The following OTOGL variants were observed in gnomAD, a reference collection of about 807,000 sequenced individuals.
The protein encoded by OTOGL is otogelin like, also known as otogelin-like protein.
OTOGL carries 285 observed loss-of-function variants against 318.5 expected under a neutral mutation model. The ratio of observed to expected loss-of-function variants is 0.89; its 90% CI spans 0.81 to 0.99. The LOEUF (loss-of-function observed/expected upper bound fraction) is 0.99, where lower values mean the gene tolerates loss of function less well. OTOGL is among the 50% of genes least tolerant of loss of function. The probability of loss-of-function intolerance (pLI) is 0.00; values close to 1 mark genes in which losing one functional copy is unlikely to be tolerated. For synonymous variants in OTOGL, 987 were observed against 936.5 expected (o/e 1.05, Z -0.99); for missense variants, 2,899 against 2,845.6 (o/e 1.02, Z -0.43).
intron 4 of OTOGL, 47 bp downstream of exon 4, chr12:80,212,044 C>T (rs1414460527): frequency 1.3e-6 from 2 of 1,490,924 alleles, no homozygotes; most frequent in Non-Finnish European, 1.8e-6. Flanking sequence ...ATAATCCATT[C>T]TGTTTTGGAC....
intron 34 of OTOGL, among the ~76,000 whole-genome samples, chr12:80,321,728 G>C (rs1887348791): frequency 6.6e-6 from 1 of 152,252 alleles, no homozygotes; most frequent in South Asian, 2.1e-4. Context: ...TCAGAACAAA[G>C]AAAAAGAAGC....
chr12:80,310,482 T>TACGCAAATCCTATCTA, intron 29 of OTOGL, 129 bp from the exon 30 acceptor site: 1 of 618,160 alleles, frequency 1.6e-6, no homozygotes, highest in South Asian at 2.1e-5. Flanking sequence ...GCAGGTGCTT[T>TACGCAAATCCTATCTA]ACGCAAATCC....
At chr12:80,143,356 G>A (rs376356443) in intron 1 of OTOGL, among the ~76,000 whole-genome samples, 34 of 152,058 alleles carry the variant, frequency 2.2e-4, no homozygotes, top group African/African-American at 7.5e-4. Context: ...AGGGGATGGG[G>A]ATGAATAGGA....
chr12:80,346,529 T>G (rs2137971594), intron 44 of OTOGL, among the ~76,000 whole-genome samples: 1 of 152,304 alleles, frequency 6.6e-6, no homozygotes, highest in East Asian at 1.9e-4. Flanking sequence ...TGTTTTAACC[T>G]TTTATTGTGG....
chr12:80,313,155 A>C (rs1260974959), intron 30 of OTOGL, among the ~76,000 whole-genome samples: 2 of 152,200 alleles, frequency 1.3e-5, no homozygotes, highest in Non-Finnish European at 2.9e-5. Context: ...TGGAAGCAGA[A>C]GGTGCCCTTA....
chr12:80,374,944 T>C (rs1447978557), intron 57 of OTOGL, among the ~76,000 whole-genome samples: 2 of 152,074 alleles, frequency 1.3e-5, no homozygotes, highest in Non-Finnish European at 2.9e-5. Flanking sequence ...AGATGAGAAA[T>C]AGAAGGTTCA....
At position 80,127,553 on chromosome 12, in the gene OTOGL, A is replaced by G. The variant is rs1381339231; in HGVS notation, c.-20+27948A>G. Among the ~76,000 whole-genome samples, 25 of 152,052 alleles carry G rather than the reference A, an allele frequency of 1.6e-4. No homozygotes were observed. The East Asian group carries it at 2.5e-3, about 15-fold the overall frequency. On this transcript the variant is annotated intron_variant, in intron 1 of 58. Transcript: ENST00000547103. Reference sequence around the variant, plus strand: ...TCTTCTCGAGGAGTATCTTTGTGGCATTCTCTGTATTTCCTGAATCTGAAT... The same window carrying G: ...TCTTCTCGAGGAGTATCTTTGTGGCGTTCTCTGTATTTCCTGAATCTGAAT...
At chr12:80,319,109 G>A (rs1887162989) in intron 33 of OTOGL, among the ~76,000 whole-genome samples, 1 of 152,172 alleles carries the variant, frequency 6.6e-6, no homozygotes, top group Non-Finnish European at 1.5e-5. Flanking sequence ...TCTACATGAA[G>A]AGCATAAATC....
chr12:80,356,179 C>A (rs2138023092), intron 47 of OTOGL, among the ~76,000 whole-genome samples: 1 of 152,274 alleles, frequency 6.6e-6, no homozygotes, highest in African/African-American at 2.4e-5. Context: ...ATCTGGAAAT[C>A]TTTGATGTAT....
At chr12:80,124,938 G>C (rs1870721984) in intron 1 of OTOGL, among the ~76,000 whole-genome samples, 1 of 152,198 alleles carries the variant, frequency 6.6e-6, no homozygotes, top group South Asian at 2.1e-4. Flanking sequence ...GAGATTTTGG[G>C]CTGAGACAAT....
chr12:80,107,057 G>C (rs149128685), intron 1 of OTOGL, among the ~76,000 whole-genome samples: 4,617 of 152,170 alleles, frequency 0.03, 91 homozygotes, highest in Non-Finnish European at 0.046. Context: ...TCATCTGCCT[G>C]ATATTGACTG....
chr12:80,339,365 T>C, intron 43 of OTOGL, 101 bp downstream of exon 43: 5 of 1,030,472 alleles, frequency 4.9e-6, no homozygotes, highest in Non-Finnish European at 7.0e-6. Context: ...GCCCCATTTT[T>C]CAGATTTGAG....
chr12:80,171,716 G>A (rs927647499), intron 1 of OTOGL, among the ~76,000 whole-genome samples: 1 of 151,806 alleles, frequency 6.6e-6, no homozygotes, highest in Non-Finnish European at 1.5e-5. Flanking sequence ...TTTTTTATTG[G>A]GAGTTGATTA....
At chr12:80,265,360 T>C in intron 20 of OTOGL, 150 bp downstream of exon 20, 1 of 847,246 alleles carries the variant, frequency 1.2e-6, no homozygotes, top group Non-Finnish European at 1.8e-6. Flanking sequence ...GAAAAGCAAA[T>C]GAAATAATAT....
rs1489944695 is a variant in OTOGL, at chr12:80,308,036, CGCGCGGG to C, written c.3333+2343_3333+2349del. 5.5e-3 allele frequency among the ~76,000 whole-genome samples: 779 copies of C among 140,974 alleles called. 11 individuals are homozygous for C. The highest frequency in any genetic ancestry group is 9.4e-3 in the Non-Finnish European group (607 of 64,818). 92.5% of individuals were successfully genotyped at this position (140,974 alleles called of 152,430 possible). ...TCACCTGCCGGACGGGGCGGCTGGCCGCGCGGGGGGCTGATCCCCCCACCTCCCTCCC... is the reference window on the plus strand; with the variant it reads ...TCACCTGCCGGACGGGGCGGCTGGCCGGGCTGATCCCCCCACCTCCCTCCC... On this transcript the variant is annotated intron_variant, in intron 29 of 58. Coordinates refer to ENST00000547103, the MANE Select transcript of OTOGL (RefSeq NM_001378609.3).
chr12:80,179,214 T>G (rs1201464255), intron 1 of OTOGL, among the ~76,000 whole-genome samples: 1 of 152,174 alleles, frequency 6.6e-6, no homozygotes, highest in Non-Finnish European at 1.5e-5. Flanking sequence ...TGTGCTCACA[T>G]GTGGGACAGG....
chr12:80,303,280 G>A (rs868589618), intron 28 of OTOGL, among the ~76,000 whole-genome samples: 3 of 151,924 alleles, frequency 2.0e-5, no homozygotes, highest in Non-Finnish European at 2.9e-5. Context: ...CTCAGCCTCC[G>A]GAGTAGCTGG....
intron 1 of OTOGL, among the ~76,000 whole-genome samples, chr12:80,125,612 G>T (rs1870776673): frequency 1.3e-5 from 2 of 152,140 alleles, no homozygotes; most frequent in Admixed American, 1.3e-4. Context: ...CAGAAGGAAT[G>T]GTACCAGCTC....
chr12:80,277,650 AAT>A (rs1883911584), intron 24 of OTOGL, among the ~76,000 whole-genome samples: 2 of 151,468 alleles, frequency 1.3e-5, no homozygotes, highest in East Asian at 1.9e-4. Context: ...TGAAACACTT[AAT>A]ATGTTTTTTA....
Sources: gnomAD v4.1 joint callset for allele counts (sites outside exome capture counted in the v4.1 genomes callset) on GRCh38, gnomAD v4.1.1 for gene constraint, MANE v1.5 for transcripts, NCBI Gene and HGNC (gene_info 2026-07-23, HGNC 2026-07-21) for gene names.